Variants in OCA2 observed in about 807,000 individuals in gnomAD.
OCA2 encodes P protein.
In OCA2, 77 loss-of-function variants were observed where a neutral mutation model predicts 100.2. The observed-to-expected ratio is 0.77, with a 90% CI of 0.64 to 0.93. The LOEUF (loss-of-function observed/expected upper bound fraction) is 0.93. OCA2 is among the 40% of genes least tolerant of loss of function. The pLI is 0.00. For missense variants in OCA2, 1,062 were observed against 1,089.1 expected, an observed-to-expected ratio of 0.98 and a Z score of 0.35; for synonymous variants, 432 against 439.2, an observed-to-expected ratio of 0.98 and a Z score of 0.21.
chr15:27,798,831 CA>C (rs1229468851), intron 23 of OCA2, among the ~76,000 whole-genome samples: 1 of 152,080 alleles, frequency 6.6e-6, no homozygotes, highest in Non-Finnish European at 1.5e-5. Flanking sequence ...TTTGGATTTA[CA>C]AAGCATTTAA....
the OCA2 span, among the ~76,000 whole-genome samples, chr15:27,746,070 T>G: frequency 6.6e-6 from 1 of 152,222 alleles, no homozygotes; most frequent in Non-Finnish European, 1.5e-5. Context: ...CAGGACCTCT[T>G]GAGACTGTGC....
Position 27,985,078 on chromosome 15 carries a change from C to G in OCA2, c.1350G>C (p.Thr450=). The G allele has an allele frequency of 6.2e-7, 1 of 1,613,876 alleles. No homozygotes were observed. The highest frequency in any genetic ancestry group is 1.1e-5 in the South Asian group (1 of 91,072). ...GCTTTGCGTACCTTATGGTCACAGGCGTGAAGAGGAGCATGGTGGTGACGT... is the reference window on the plus strand; with the variant it reads ...GCTTTGCGTACCTTATGGTCACAGGGGTGAAGAGGAGCATGGTGGTGACGT... The part of the protein sequence containing the change: ...LDNVTTMLLF[T]PVTIRLCEVL... Residue 450 remains threonine (T), a synonymous_variant, in exon 13 of 24, where the codon ACG becomes ACC. Coordinates refer to ENST00000354638, the MANE Select transcript of OCA2 (RefSeq NM_000275.3).
chr15:28,055,074 G>C (rs1278044295), intron 2 of OCA2, among the ~76,000 whole-genome samples: 1 of 152,122 alleles, frequency 6.6e-6, no homozygotes. Context: ...ATTTGGGTGG[G>C]GACACAGAGC....
intron 23 of OCA2, among the ~76,000 whole-genome samples, chr15:27,786,594 G>A (rs1030879310): frequency 1.3e-5 from 2 of 151,958 alleles, no homozygotes; most frequent in African/African-American, 2.4e-5. Context: ...TGTTATTGTT[G>A]CTGTTAATAT....
At chr15:28,002,432 G>A (rs1311040583) in intron 9 of OCA2, among the ~76,000 whole-genome samples, 2 of 152,152 alleles carry the variant, frequency 1.3e-5, no homozygotes, top group Non-Finnish European at 2.9e-5. Context: ...CTACCTCACT[G>A]TGGTCTGTGG....
In OCA2 at chr15:27,996,455, C is replaced by G. The variant is rs558454139; in HGVS notation, c.1045-5808G>C. ...AAGGAAATAGAAGAGCCAGCTAAGC[C>G]CAAAGTTGACAGAAGGAAAAAAATA... On this transcript the variant is annotated intron_variant, in intron 9 of 23. Transcript: ENST00000354638. 2.3e-4 allele frequency among the ~76,000 whole-genome samples: 34 copies of G among 151,006 alleles called. No individual in the cohort carries two copies. The South Asian group carries it at 2.5e-3, about 11-fold the overall frequency.
chr15:27,924,303 CA>C (rs1238159244), intron 19 of OCA2, among the ~76,000 whole-genome samples: 1 of 151,934 alleles, frequency 6.6e-6, no homozygotes, highest in Non-Finnish European at 1.5e-5. Context: ...CACAAATCTC[CA>C]AAAAAAATTC....
intron 1 of OCA2, among the ~76,000 whole-genome samples, chr15:28,088,344 G>A (rs1013856115): frequency 1.3e-5 from 2 of 152,146 alleles, no homozygotes; most frequent in South Asian, 2.1e-4. Context: ...AAATGAGAGA[G>A]GTAAAGGATG....
Position 27,781,213 on chromosome 15 carries a change from T to C in OCA2, c.2433-25741A>G, listed in dbSNP as rs370578929. Among the ~76,000 whole-genome samples the C allele has an allele frequency of 2.0e-4, 31 of 152,340 alleles. 1 individual carries two copies. The highest frequency in any genetic ancestry group is 7.0e-4 in the African/African-American group (29 of 41,574). ...ATCCCATCTCTATTCCCTGCAGCAA[T>C]GTGGAAACATCCTATCTCTTCTTGG... On this transcript the variant is annotated intron_variant, in intron 23 of 23. Transcript: ENST00000354638.
intron 18 of OCA2, among the ~76,000 whole-genome samples, chr15:27,936,973 G>C (rs751711479): frequency 2.0e-5 from 3 of 152,134 alleles, no homozygotes; most frequent in Non-Finnish European, 4.4e-5. Flanking sequence ...CACCAATACA[G>C]ACAGGCCAGT....
intron 23 of OCA2, among the ~76,000 whole-genome samples, chr15:27,791,088 C>T (rs2033058355): frequency 6.6e-6 from 1 of 151,826 alleles, no homozygotes; most frequent in Non-Finnish European, 1.5e-5. Context: ...TGTGCCTGGC[C>T]CTGATTTTTT....
chr15:28,044,990 T>A (rs1039156520), intron 2 of OCA2, among the ~76,000 whole-genome samples: 5 of 152,216 alleles, frequency 3.3e-5, no homozygotes, highest in Admixed American at 6.5e-5. Flanking sequence ...TTTCCCAATA[T>A]GACAATGTCT....
intron 19 of OCA2, among the ~76,000 whole-genome samples, chr15:27,886,395 A>G (rs984079012): frequency 1.3e-5 from 2 of 152,234 alleles, no homozygotes; most frequent in African/African-American, 2.4e-5. Flanking sequence ...TGAGAAGCCA[A>G]TAAAGTTCCT....
chr15:28,080,473 G>A (rs1442309722), intron 2 of OCA2, among the ~76,000 whole-genome samples: 1 of 152,256 alleles, frequency 6.6e-6, no homozygotes, highest in Non-Finnish European at 1.5e-5. Flanking sequence ...TCAGCACAAA[G>A]AAACCTCAAA....
intron 23 of OCA2, among the ~76,000 whole-genome samples, chr15:27,826,765 C>A (rs62003764): frequency 6.6e-6 from 1 of 151,456 alleles, no homozygotes; most frequent in Non-Finnish European, 1.5e-5. Flanking sequence ...CCTAAGGCAT[C>A]GAGACTCCCC....
At chr15:27,845,383 A>G (rs2035493525) in intron 22 of OCA2, among the ~76,000 whole-genome samples, 1 of 152,208 alleles carries the variant, frequency 6.6e-6, no homozygotes. Flanking sequence ...ACCAAAGCCC[A>G]GAACGTGTGT....
At position 27,867,327 on chromosome 15, in the gene OCA2, A is replaced by T. The variant is rs139188582; in HGVS notation, c.2244+3827T>A. 3.9e-4 allele frequency among the ~76,000 whole-genome samples: 60 copies of T among 152,350 alleles called. 1 individual carries two copies. The East Asian group carries it at 0.01, about 26-fold the overall frequency. On this transcript the variant is annotated intron_variant, in intron 21 of 23. Transcript: ENST00000354638. The stretch of plus-strand genomic sequence containing the variant: ...TGATGGTGAAAAAAAAGAATTAGCA[A>T]GGAAAAAGCATTAAAAAGTGAAATG...
intron 23 of OCA2, among the ~76,000 whole-genome samples, chr15:27,762,036 G>A (rs1196406143): frequency 6.6e-6 from 1 of 152,180 alleles, no homozygotes; most frequent in Non-Finnish European, 1.5e-5. Context: ...TGCAAGAATA[G>A]CCTTTTCTTT....
At position 27,794,324 on chromosome 15, in the gene OCA2, T is replaced by C. The variant is rs111257164; in HGVS notation, c.2433-38852A>G. 7.1e-3 allele frequency among the ~76,000 whole-genome samples: 1,080 copies of C among 152,178 alleles called. 17 individuals are homozygous for C. The highest frequency in any genetic ancestry group is 0.024 in the African/African-American group (1,002 of 41,526). ...ATTGTCCCACAAGCAAGGGACAACA[T>C]GCATGGAAGAGTGCGCTCAGGAGGA... On this transcript the variant is annotated intron_variant, in intron 23 of 23. Transcript: ENST00000354638.
Sources: gnomAD v4.1 joint callset for allele counts (sites outside exome capture counted in the v4.1 genomes callset) on GRCh38, gnomAD v4.1.1 for gene constraint, MANE v1.5 for transcripts, NCBI Gene and HGNC (gene_info 2026-07-23, HGNC 2026-07-21) for gene names.